NEB: variants seen among roughly 807,000 people sequenced by gnomAD.
NEB encodes the protein nemaline myopathy type 2.
Under a neutral mutation model 952.2 loss-of-function variants are expected in NEB, and 512 were observed. The ratio of observed to expected loss-of-function variants is 0.54; its 90% CI spans 0.50 to 0.58. The LOEUF (loss-of-function observed/expected upper bound fraction) is 0.58. NEB is among the 20% of genes least tolerant of loss of function. The probability of loss-of-function intolerance (pLI) is 0.00; values close to 1 mark genes in which losing one functional copy is unlikely to be tolerated. For missense variants in NEB, 8,428 were observed against 9,231.1 expected (o/e 0.91, Z 3.56); for synonymous variants, 2,900 against 3,149.8 (o/e 0.92, Z 2.66).
At chr2:151,545,056 G>A (rs1368102335) in intron 135 of NEB, among the ~76,000 whole-genome samples, 1 of 152,192 alleles carries the variant, frequency 6.6e-6, no homozygotes, top group African/African-American at 2.4e-5. Flanking sequence ...CAACACTCTA[G>A]GTGAGAGAAT....
chr2:151,524,135 A>G (rs2083874306), intron 153 of NEB, among the ~76,000 whole-genome samples, 176 bp downstream of exon 153: 1 of 152,238 alleles, frequency 6.6e-6, no homozygotes. Flanking sequence ...AGGTCTAGAC[A>G]GCTTAGAGGG....
intron 57 of NEB, 44 bp from the exon 58 acceptor site, chr2:151,643,397 C>A: frequency 6.7e-7 from 1 of 1,487,124 alleles, no homozygotes; most frequent in Non-Finnish European, 9.2e-7. Flanking sequence ...AATCATTTAT[C>A]ACAATTTGTC....
Position 151,677,732 on chromosome 2 carries a change from T to C in NEB, c.3607A>G (p.Ile1203Val). 6.2e-7 allele frequency: 1 copy of C among 1,614,020 alleles called. No individual in the cohort carries two copies. The highest frequency in any genetic ancestry group is 1.1e-5 in the South Asian group (1 of 91,080). ...AGACTGCCAATAGGAATCCAGCCAA[T>C]GCCTTTCATCCAGTTGTTGTAGTCT... ...KEDYNNWMKG[I>V]GWIPIGSLDV... Residue 1203 changes from isoleucine (I) to valine (V), a missense_variant, in exon 34 of 182, where the codon ATT (isoleucine) becomes GTT (valine). Physicochemically the swap from Ile to Val is conservative, Grantham distance 29. Coordinates refer to ENST00000397345, the MANE Select transcript of NEB (RefSeq NM_001164508.2).
In NEB at chr2:151,627,637, C is replaced by T. The variant is rs183321773; in HGVS notation, c.10029G>A (p.Lys3343=). The change falls in exon 69 of 182, where the codon AAG becomes AAA. Residue 3343 remains lysine, a synonymous_variant. Transcript: ENST00000397345. ...CCACATCGCTGACTAAGGTCTGGCACTTCTTGGCTAACACCACTCCCAGCA... is the reference window on the plus strand; with the variant it reads ...CCACATCGCTGACTAAGGTCTGGCATTTCTTGGCTAACACCACTCCCAGCA... ...VDMLGVVLAK[K]CQTLVSDVDY... 1 of 1,613,876 alleles carries T rather than the reference C, an allele frequency of 6.2e-7. No individual in the cohort carries two copies. Among genetic ancestry groups the T allele is most frequent in the Admixed American group, 1.7e-5 (1 of 60,000 alleles).
chr2:151,534,618 G>A (rs903173346), intron 142 of NEB, among the ~76,000 whole-genome samples: 1 of 152,104 alleles, frequency 6.6e-6, no homozygotes, highest in African/African-American at 2.4e-5. Flanking sequence ...GGCATCTAAC[G>A]GTATATTTAA....
At chr2:151,512,618 T>C (rs1309952019) in intron 161 of NEB, 115 bp downstream of exon 161, 30 of 826,348 alleles carry the variant, frequency 3.6e-5, no homozygotes, top group Non-Finnish European at 5.8e-5. Context: ...CTGGTGAATC[T>C]CTTTTTTATT....
chr2:151,721,623 A>G (rs1193406055), intron 9 of NEB, among the ~76,000 whole-genome samples: 1 of 152,190 alleles, frequency 6.6e-6, no homozygotes, highest in Non-Finnish European at 1.5e-5. Context: ...TTGCTATATC[A>G]TACTTTTATT....
At chr2:151,546,557 CTT>C (rs11436330) in intron 133 of NEB, 114 bp from the exon 134 acceptor site, 6,989 of 347,524 alleles carry the variant, frequency 0.02, no homozygotes, top group South Asian at 0.038. Context: ...GGTTCATCTA[CTT>C]TTTTTTTTTT....
Position 151,562,671 on chromosome 2 carries a change from C to T in NEB, c.18831G>A (p.Thr6277=), listed in dbSNP as rs368876425. 14 of 1,599,942 alleles carry T rather than the reference C, an allele frequency of 8.8e-6. No homozygotes were observed. Among genetic ancestry groups the T allele is most frequent in the African/African-American group, 5.4e-5 (4 of 74,700 alleles). ...LEYRHYFHQW[T]SLLEEPNVIR... The stretch of plus-strand genomic sequence containing the variant: ...TAACATTGGGTTCTTCCAGAAGAGA[C>T]GTCCACTGGTGGAAATAGTGTCGAT... The change falls in exon 120 of 182, where the codon ACG becomes ACA. Residue 6277 remains threonine, a synonymous_variant. Coordinates refer to ENST00000397345, the MANE Select transcript of NEB (RefSeq NM_001164508.2).
chr2:151,732,802 C>T (rs1462123350), intron 3 of NEB, among the ~76,000 whole-genome samples: 41 of 152,074 alleles, frequency 2.7e-4, no homozygotes, highest in Admixed American at 2.7e-3. Flanking sequence ...TCGTCTCTGT[C>T]CCTTTGAACA....
chr2:151,529,432 A>G, intron 145 of NEB, 118 bp from the exon 146 acceptor site: 1 of 702,686 alleles, frequency 1.4e-6, no homozygotes, highest in Non-Finnish European at 2.5e-6. Context: ...TTAAGACGGA[A>G]TTTTAAAAAT....
intron 13 of NEB, among the ~76,000 whole-genome samples, chr2:151,705,814 C>T (rs2099703561): frequency 6.6e-6 from 1 of 152,146 alleles, no homozygotes; most frequent in Admixed American, 6.5e-5. Flanking sequence ...AATGAAGTAA[C>T]TCAGGAATGA....
Position 151,677,543 on chromosome 2 carries a change from C to T in NEB, c.3774+22G>A, listed in dbSNP as rs768954031. On this transcript the variant is annotated intron_variant, in intron 34 of 181. Transcript: ENST00000397345. ...AAAAGCTTCCTCCATATCCTCTGTCCTCTCTATTTTATTGTACTCACATCA... is the reference window on the plus strand; with the variant it reads ...AAAAGCTTCCTCCATATCCTCTGTCTTCTCTATTTTATTGTACTCACATCA... 1.5e-5 allele frequency: 23 copies of T among 1,585,232 alleles called. No individual in the cohort carries two copies. The African/African-American group carries it at 1.9e-4, about 13-fold the overall frequency.
intron 175 of NEB, 52 bp downstream of exon 175, chr2:151,493,723 G>T: frequency 7.5e-7 from 1 of 1,335,202 alleles, no homozygotes; most frequent in Non-Finnish European, 1.0e-6. Flanking sequence ...GTACAACCAT[G>T]TTTGCCAGGG....
At chr2:151,712,224 T>C (rs942223931) in intron 10 of NEB, among the ~76,000 whole-genome samples, 1 of 152,138 alleles carries the variant, frequency 6.6e-6, no homozygotes, top group African/African-American at 2.4e-5. Context: ...GAAGGGGCAA[T>C]TGGGCCTGAT....
intron 105 of NEB, among the ~76,000 whole-genome samples, chr2:151,576,752 C>A (rs2096880712): frequency 6.6e-6 from 1 of 151,610 alleles, no homozygotes; most frequent in Non-Finnish European, 1.5e-5. Context: ...CCAGGCTGGT[C>A]TCAAACCCCT....
At chr2:151,601,142 C>A (rs2097510277) in intron 88 of NEB, among the ~76,000 whole-genome samples, 1 of 121,470 alleles carries the variant, frequency 8.2e-6, no homozygotes, top group African/African-American at 3.7e-5. Flanking sequence ...GAGTCTCGCT[C>A]TGCTCCCCAG....
intron 65 of NEB, 53 bp downstream of exon 65, chr2:151,633,599 TCA>T: frequency 6.5e-7 from 1 of 1,544,250 alleles, no homozygotes; most frequent in East Asian, 2.3e-5. Flanking sequence ...AGGATAATTT[TCA>T]CATAGTTTAA....
chr2:151,605,312 A>G (rs2097654763), intron 84 of NEB, among the ~76,000 whole-genome samples: 1 of 127,402 alleles, frequency 7.8e-6, no homozygotes, highest in African/African-American at 2.5e-5. Context: ...GGGGAAAACA[A>G]GGCACAGGTG....
Sources: allele counts gnomAD v4.1 joint callset (sites outside exome capture counted in the v4.1 genomes callset), GRCh38; gene constraint gnomAD v4.1.1; transcripts MANE v1.5; gene names NCBI Gene and HGNC (gene_info 2026-07-23, HGNC 2026-07-21).